The following OSBPL10 variants were observed in gnomAD, a reference collection of about 807,000 sequenced individuals.
OSBPL10 encodes the protein oxysterol-binding protein-related protein 10.
OSBPL10 carries 49 observed loss-of-function variants against 81.7 expected under a neutral mutation model. The ratio of observed to expected loss-of-function variants is 0.60; its 90% confidence interval spans 0.48 to 0.76. The LOEUF (loss-of-function observed/expected upper bound fraction) is 0.76, where lower values mean the gene tolerates loss of function less well. OSBPL10 is among the 30% of genes least tolerant of loss of function. The pLI, the probability that OSBPL10 is intolerant of heterozygous loss-of-function variation, is 0.00. For missense variants in OSBPL10, 923 were observed against 987.8 expected, an observed-to-expected ratio of 0.93 and a Z score of 0.88; for synonymous variants, 419 against 383.6, an observed-to-expected ratio of 1.09 and a Z score of -1.08.
intron 2 of OSBPL10, among the ~76,000 whole-genome samples, chr3:32,038,646 G>A (rs1053897895): frequency 3.9e-5 from 6 of 152,114 alleles, no homozygotes; most frequent in Admixed American, 6.6e-5. Flanking sequence ...TATAGATACC[G>A]AAATCAAACC....
At chr3:31,722,334 C>T (rs1696671039) in intron 6 of OSBPL10, among the ~76,000 whole-genome samples, 1 of 152,158 alleles carries the variant, frequency 6.6e-6, no homozygotes, top group African/African-American at 2.4e-5. Flanking sequence ...CTCATAAGCC[C>T]TAGTCAGTGA....
chr3:31,681,036 C>CT (rs1700628056), intron 8 of OSBPL10, among the ~76,000 whole-genome samples: 1 of 152,162 alleles, frequency 6.6e-6, no homozygotes, highest in African/African-American at 2.4e-5. Context: ...ATTTTTACAT[C>CT]TTTCCCCCAC....
chr3:31,993,581 A>C (rs979564951), intron 2 of OSBPL10, among the ~76,000 whole-genome samples: 1 of 152,194 alleles, frequency 6.6e-6, no homozygotes, highest in African/African-American at 2.4e-5. Context: ...TGTCCGAAAA[A>C]GCACATCAAG....
Position 31,879,815 on chromosome 3 carries a change from A to G in OSBPL10, c.297T>C (p.Asp99=). The G allele has an allele frequency of 4.3e-6, 7 of 1,613,930 alleles. No homozygotes were observed. The highest frequency in any genetic ancestry group is 5.9e-6 in the Non-Finnish European group (7 of 1,179,940). ...AATACTGCAGGATGCCAGCCTCGAA[A>G]TCCAGTACGAAGTACCTGCACAGAG... ...QGWQNRYFVL[D]FEAGILQYFV... Residue 99 remains aspartate (D), a synonymous_variant, in exon 2 of 12, where the codon GAT becomes GAC. Transcript: ENST00000396556.
intron 1 of OSBPL10, among the ~76,000 whole-genome samples, chr3:31,919,042 A>T (rs994410068): frequency 1.3e-5 from 2 of 151,944 alleles, no homozygotes; most frequent in Non-Finnish European, 2.9e-5. Flanking sequence ...ACATCCTGCA[A>T]CTCCTGAAGA....
chr3:32,017,109 G>T (rs958584145), intron 2 of OSBPL10, among the ~76,000 whole-genome samples: 1 of 152,166 alleles, frequency 6.6e-6, no homozygotes, highest in African/African-American at 2.4e-5. Flanking sequence ...GAAGAGGGCT[G>T]ATCACAGCAT....
At chr3:32,027,940 T>C (rs1699431792) in intron 2 of OSBPL10, among the ~76,000 whole-genome samples, 1 of 152,240 alleles carries the variant, frequency 6.6e-6, no homozygotes, top group African/African-American at 2.4e-5. Context: ...ATGGAGAGAC[T>C]GGAACAACTG....
chr3:31,778,041 C>T (rs1049130095), intron 4 of OSBPL10, among the ~76,000 whole-genome samples: 9 of 152,106 alleles, frequency 5.9e-5, no homozygotes, highest in Non-Finnish European at 7.4e-5. Context: ...ACAGGAAATG[C>T]TGGAGGAAGG....
chr3:31,814,762 A>G (rs889473007), intron 4 of OSBPL10, among the ~76,000 whole-genome samples: 7 of 152,208 alleles, frequency 4.6e-5, no homozygotes, highest in African/African-American at 1.7e-4. Flanking sequence ...TTGGTTGTAC[A>G]GCGTATTAAT....
intron 1 of OSBPL10, among the ~76,000 whole-genome samples, chr3:31,965,519 A>ATT (rs1698318093): frequency 1.6e-5 from 1 of 64,042 alleles, no homozygotes; most frequent in African/African-American, 6.3e-5. Context: ...GATAATATAT[A>ATT]AACTATTATA....
At chr3:31,665,556 G>C (rs1175311536) in intron 10 of OSBPL10, among the ~76,000 whole-genome samples, 1 of 152,170 alleles carries the variant, frequency 6.6e-6, no homozygotes, top group Non-Finnish European at 1.5e-5. Context: ...CCTCCTGGGG[G>C]TACAGATGCC....
intron 4 of OSBPL10, among the ~76,000 whole-genome samples, chr3:31,756,687 G>A (rs1233887155): frequency 6.6e-6 from 1 of 152,192 alleles, no homozygotes. Context: ...AAAGAGCAAG[G>A]ATGAAACAAT....
At chr3:31,769,531 A>G (rs868467191) in intron 4 of OSBPL10, among the ~76,000 whole-genome samples, 5 of 145,736 alleles carry the variant, frequency 3.4e-5, no homozygotes, top group South Asian at 2.1e-4. Context: ...ATAACTCATT[A>G]TAAAAATATA....
intron 1 of OSBPL10, among the ~76,000 whole-genome samples, chr3:31,903,570 A>G (rs1696317594): frequency 6.6e-6 from 1 of 152,026 alleles, no homozygotes; most frequent in Non-Finnish European, 1.5e-5. Context: ...GACTCAAACA[A>G]TCCTCCCACC....
chr3:31,662,164 G>T, intron 11 of OSBPL10, 48 bp from the exon 12 acceptor site: 1 of 1,612,542 alleles, frequency 6.2e-7, no homozygotes, highest in South Asian at 1.1e-5. Flanking sequence ...CTCTCAACAG[G>T]GAAAAGGGGA....
intron 4 of OSBPL10, among the ~76,000 whole-genome samples, chr3:31,756,623 G>A (rs1456062640): frequency 1.3e-5 from 2 of 152,162 alleles, no homozygotes; most frequent in Non-Finnish European, 2.9e-5. Flanking sequence ...GATCACTTTA[G>A]AATGTATCAT....
intron 4 of OSBPL10, among the ~76,000 whole-genome samples, chr3:31,752,035 G>A (rs1297663724): frequency 6.6e-6 from 1 of 152,166 alleles, no homozygotes; most frequent in Non-Finnish European, 1.5e-5. Context: ...AAGGGCACAT[G>A]TGAGAAGATA....
At chr3:31,785,669 G>C (rs570139090) in intron 4 of OSBPL10, among the ~76,000 whole-genome samples, 1 of 151,916 alleles carries the variant, frequency 6.6e-6, no homozygotes, top group African/African-American at 2.4e-5. Flanking sequence ...AAAATGAAGA[G>C]ACTGAACTAG....
intron 7 of OSBPL10, among the ~76,000 whole-genome samples, chr3:31,684,570 G>A (rs1467128675): frequency 1.3e-5 from 2 of 152,170 alleles, no homozygotes; most frequent in Non-Finnish European, 2.9e-5. Flanking sequence ...GTTTGTTGGT[G>A]CCACTTCATA....
Sources: gnomAD v4.1 joint callset for allele counts (sites outside exome capture counted in the v4.1 genomes callset) on GRCh38, gnomAD v4.1.1 for gene constraint, MANE v1.5 for transcripts, NCBI Gene and HGNC (gene_info 2026-07-23, HGNC 2026-07-21) for gene names.